Variants in DLG2 observed in about 807,000 individuals in gnomAD.
DLG2 encodes disks large homolog 2.
A neutral mutation model predicts 132.5 loss-of-function variants in DLG2; 45 were observed. The ratio of observed to expected loss-of-function variants is 0.34; its 90% CI spans 0.27 to 0.44. The LOEUF (loss-of-function observed/expected upper bound fraction) is 0.44, where lower values mean the gene tolerates loss of function less well. Ranked by LOEUF, DLG2 falls within the 20% of genes least tolerant of loss-of-function variation. The pLI is 1.00. For synonymous variants in DLG2, 424 were observed against 419.6 expected (o/e 1.01, Z -0.13); for missense variants, 1,045 against 1,196.9 (o/e 0.87, Z 1.87).
chr11:84,091,918 T>A (rs1566450085), intron 10 of DLG2, among the ~76,000 whole-genome samples: 1 of 152,204 alleles, frequency 6.6e-6, no homozygotes, highest in Non-Finnish European at 1.5e-5. Context: ...ACTTACTTAG[T>A]ACGTAAAGGA....
chr11:85,483,516 A>G (rs2093348044), intron 3 of DLG2, among the ~76,000 whole-genome samples: 1 of 152,206 alleles, frequency 6.6e-6, no homozygotes, highest in African/African-American at 2.4e-5. Context: ...CTAATTAATA[A>G]GTAACGCAAA....
At chr11:84,918,125 G>C (rs918153500) in intron 6 of DLG2, among the ~76,000 whole-genome samples, 4 of 152,132 alleles carry the variant, frequency 2.6e-5, no homozygotes, top group African/African-American at 9.7e-5. Context: ...CTTTCAATTA[G>C]TCCACTGATC....
Position 84,368,846 on chromosome 11 carries a change from A to C in DLG2, c.520-117555T>G, listed in dbSNP as rs560277370. ...GTTTGAAACCCAATAAATATTCATCAAGTAACAGACAGAAAAAGTATATTT... is the reference window on the plus strand; with the variant it reads ...GTTTGAAACCCAATAAATATTCATCCAGTAACAGACAGAAAAAGTATATTT... On this transcript the variant is annotated intron_variant, in intron 7 of 27. Coordinates refer to ENST00000376104, the MANE Select transcript of DLG2 (RefSeq NM_001142699.3). Among the ~76,000 whole-genome samples, 232 of 152,272 alleles carry C rather than the reference A, an allele frequency of 1.5e-3. 1 individual carries two copies. Among genetic ancestry groups the C allele is most frequent in the Non-Finnish European group, 2.8e-3 (187 of 67,994 alleles).
intron 7 of DLG2, among the ~76,000 whole-genome samples, chr11:84,390,772 T>A (rs2098789964): frequency 6.6e-6 from 1 of 152,172 alleles, no homozygotes; most frequent in Non-Finnish European, 1.5e-5. Flanking sequence ...TTTGTATTAG[T>A]CAGAAAACAA....
chr11:83,726,204 TA>T (rs887255800), intron 18 of DLG2, among the ~76,000 whole-genome samples: 2 of 152,212 alleles, frequency 1.3e-5, no homozygotes, highest in African/African-American at 4.8e-5. Context: ...GCTTGGAGAC[TA>T]AAAACATTTT....
chr11:83,540,218 G>T (rs2141423442), intron 20 of DLG2, among the ~76,000 whole-genome samples: 1 of 152,284 alleles, frequency 6.6e-6, no homozygotes, highest in Middle Eastern at 3.4e-3. Flanking sequence ...AAACCAAAAT[G>T]CACGTTGTCT....
chr11:83,922,058 GTTCC>G (rs1293398194), intron 15 of DLG2, among the ~76,000 whole-genome samples: 1 of 152,094 alleles, frequency 6.6e-6, no homozygotes, highest in African/African-American at 2.4e-5. Flanking sequence ...AACAGGGTGA[GTTCC>G]TTGTTTTCTG....
intron 6 of DLG2, among the ~76,000 whole-genome samples, chr11:84,596,955 T>C (rs1480659205): frequency 6.6e-6 from 1 of 152,170 alleles, no homozygotes; most frequent in Admixed American, 6.5e-5. Context: ...ACTCAGTGAC[T>C]CACACCTGTA....
intron 8 of DLG2, among the ~76,000 whole-genome samples, chr11:84,230,758 T>G (rs2097081016): frequency 6.6e-6 from 1 of 152,124 alleles, no homozygotes; most frequent in Non-Finnish European, 1.5e-5. Flanking sequence ...TTCACAAAAG[T>G]GTGAAACAGT....
At chr11:85,537,487 A>T (rs904206117) in intron 3 of DLG2, among the ~76,000 whole-genome samples, 3 of 152,104 alleles carry the variant, frequency 2.0e-5, no homozygotes, top group Non-Finnish European at 4.4e-5. Flanking sequence ...ACCAGGAGGG[A>T]TGAACAACTC....
chr11:84,232,994 C>G lies in DLG2; in HGVS notation c.573+18244G>C, dbSNP rs963260. Among the ~76,000 whole-genome samples, 413 of 152,242 alleles carry G rather than the reference C, an allele frequency of 2.7e-3. 17 individuals are homozygous for G. The East Asian group carries it at 0.076, about 28-fold the overall frequency. ...GGGCCTGAGCACAAGTCCAATTTGC[C>G]ATTACAAAATGATATGAACTTGGAA... is the stretch of plus-strand genomic sequence containing the variant. On this transcript the variant is annotated intron_variant, in intron 8 of 27. Coordinates refer to ENST00000376104, the MANE Select transcript of DLG2 (RefSeq NM_001142699.3).
chr11:85,211,753 G>A (rs961698045), intron 4 of DLG2, among the ~76,000 whole-genome samples: 17 of 152,128 alleles, frequency 1.1e-4, no homozygotes, highest in African/African-American at 4.1e-4. Flanking sequence ...ACTACTCGTC[G>A]AGGTCACTCC....
chr11:84,207,059 A>ATCTC (rs35772503), intron 8 of DLG2, among the ~76,000 whole-genome samples: 14,305 of 145,440 alleles, frequency 0.098, 771 homozygotes, highest in African/African-American at 0.13. Context: ...ATAAGAATAA[A>ATCTC]TCTCTCTCTC....
rs562874392 is a variant in DLG2 at position 83,587,874 on chromosome 11, G to A, written c.1940+45337C>T. Among the ~76,000 whole-genome samples the A allele has an allele frequency of 7.7e-4, 117 of 152,292 alleles. 2 individuals carry two copies. The highest frequency in any genetic ancestry group is 2.6e-3 in the African/African-American group (108 of 41,580). On this transcript the variant is annotated intron_variant, in intron 19 of 27. Coordinates refer to ENST00000376104, the MANE Select transcript of DLG2 (RefSeq NM_001142699.3). Reference sequence around the variant, plus strand: ...GTTCCCTTTCTGAGTCAAGGAAAGGGGTGACGGACGGCACCTGGAAAATCA... The same window carrying A: ...GTTCCCTTTCTGAGTCAAGGAAAGGAGTGACGGACGGCACCTGGAAAATCA...
intron 3 of DLG2, among the ~76,000 whole-genome samples, chr11:85,294,597 T>C (rs2079107017): frequency 6.6e-6 from 1 of 152,172 alleles, no homozygotes; most frequent in South Asian, 2.1e-4. Context: ...TTTACATGTG[T>C]AAGTACTCCA....
At chr11:84,478,270 G>A (rs191477216) in intron 7 of DLG2, among the ~76,000 whole-genome samples, 1 of 152,198 alleles carries the variant, frequency 6.6e-6, no homozygotes, top group Admixed American at 6.5e-5. Flanking sequence ...CTTATAATGT[G>A]TTTACAGTAG....
intron 6 of DLG2, among the ~76,000 whole-genome samples, chr11:84,606,109 A>C (rs2099585127): frequency 6.6e-6 from 1 of 152,104 alleles, no homozygotes; most frequent in Non-Finnish European, 1.5e-5. Context: ...AGCTACTCAA[A>C]TACTTCTAAA....
chr11:84,523,591 T>C (rs1490462771), intron 7 of DLG2, among the ~76,000 whole-genome samples: 2 of 152,204 alleles, frequency 1.3e-5, no homozygotes, highest in African/African-American at 2.4e-5. Flanking sequence ...TTTAGAAATA[T>C]GGGAGGGATG....
chr11:83,554,422 T>C (rs1056264107), intron 19 of DLG2, among the ~76,000 whole-genome samples: 1 of 152,208 alleles, frequency 6.6e-6, no homozygotes, highest in South Asian at 2.1e-4. Flanking sequence ...AGACTAATCC[T>C]GCCTGAATAG....
Sources: allele counts gnomAD v4.1 joint callset (sites outside exome capture counted in the v4.1 genomes callset), GRCh38; gene constraint gnomAD v4.1.1; transcripts MANE v1.5; gene names NCBI Gene and HGNC (gene_info 2026-07-23, HGNC 2026-07-21).